Variants in BRINP3 observed in about 807,000 individuals in gnomAD.
The protein encoded by BRINP3 is BMP/retinoic acid-inducible neural-specific protein 3.
In BRINP3, 19 loss-of-function variants were observed where a neutral mutation model predicts 71.0. The ratio of observed to expected loss-of-function variants is 0.27; its 90% CI spans 0.19 to 0.39. The LOEUF (loss-of-function observed/expected upper bound fraction) is 0.39. Among genes scored for constraint, BRINP3 ranks in the 10% least tolerant of loss-of-function variants. The pLI is 1.00. For missense variants in BRINP3, 959 were observed against 940.8 expected (o/e 1.02, Z -0.25); for synonymous variants, 380 against 337.7 (o/e 1.13, Z -1.37).
chr1:190,377,709 TC>T (rs1169431193), intron 2 of BRINP3, among the ~76,000 whole-genome samples: 1 of 151,104 alleles, frequency 6.6e-6, no homozygotes, highest in East Asian at 1.9e-4. Context: ...AAATCAACCC[TC>T]ACAACAATTG....
At chr1:190,248,602 T>A (rs917953678) in intron 4 of BRINP3, among the ~76,000 whole-genome samples, 1 of 151,754 alleles carries the variant, frequency 6.6e-6, no homozygotes, top group African/African-American at 2.4e-5. Flanking sequence ...TATGTTTATT[T>A]TTTTTCTGAT....
At chr1:190,315,225 A>G (rs1665802230) in intron 2 of BRINP3, among the ~76,000 whole-genome samples, 1 of 152,138 alleles carries the variant, frequency 6.6e-6, no homozygotes, top group Non-Finnish European at 1.5e-5. Context: ...GGAGGACTGA[A>G]TTTAAGATTA....
intron 4 of BRINP3, among the ~76,000 whole-genome samples, chr1:190,261,078 A>C (rs756783210): frequency 1.3e-4 from 20 of 152,196 alleles, no homozygotes; most frequent in Middle Eastern, 6.9e-3. Context: ...CTAAAAATTA[A>C]AATAACAAGA....
At chr1:190,464,327 C>T (rs1571383580) in intron 1 of BRINP3, among the ~76,000 whole-genome samples, 1 of 151,956 alleles carries the variant, frequency 6.6e-6, no homozygotes, top group East Asian at 1.9e-4. Context: ...GTATTAATAA[C>T]TACCTTAAAT....
At chr1:190,438,697 G>C (rs998166005) in intron 2 of BRINP3, among the ~76,000 whole-genome samples, 3 of 151,782 alleles carry the variant, frequency 2.0e-5, no homozygotes, top group Non-Finnish European at 4.4e-5. Flanking sequence ...GTTAGTTTGA[G>C]ATATGTGCTG....
intron 2 of BRINP3, among the ~76,000 whole-genome samples, chr1:190,348,895 C>T (rs141443401): frequency 3.8e-3 from 572 of 152,170 alleles, no homozygotes; most frequent in Non-Finnish European, 6.7e-3. Context: ...AAACAGGCAC[C>T]TATTTTATAA....
At chr1:190,150,010 C>T (rs1656245022) in intron 7 of BRINP3, among the ~76,000 whole-genome samples, 1 of 152,094 alleles carries the variant, frequency 6.6e-6, no homozygotes, top group Non-Finnish European at 1.5e-5. Context: ...TATTCACTCA[C>T]TTTATAACTT....
intron 2 of BRINP3, among the ~76,000 whole-genome samples, chr1:190,284,555 T>G (rs1663277342): frequency 6.6e-6 from 1 of 152,062 alleles, no homozygotes; most frequent in East Asian, 1.9e-4. Flanking sequence ...TTCTTTGATA[T>G]GAATGGATCT....
At chr1:190,476,657 G>A (rs1490397957) in intron 1 of BRINP3, among the ~76,000 whole-genome samples, 1 of 152,138 alleles carries the variant, frequency 6.6e-6, no homozygotes, top group African/African-American at 2.4e-5. Flanking sequence ...TTCATGTAAA[G>A]TCTATTCTTG....
At chr1:190,277,946 T>C (rs1187067867) in intron 3 of BRINP3, among the ~76,000 whole-genome samples, 3 of 151,684 alleles carry the variant, frequency 2.0e-5, no homozygotes, top group African/African-American at 7.2e-5. Flanking sequence ...GGGAAAATAA[T>C]ATATATTGAA....
chr1:190,428,276 GT>G (rs964828541), intron 2 of BRINP3, among the ~76,000 whole-genome samples: 13 of 152,036 alleles, frequency 8.6e-5, no homozygotes, highest in South Asian at 6.2e-4. Context: ...AAGCCATTAA[GT>G]TTGTAGTAAT....
At chr1:190,419,230 TC>T (rs1314858444) in intron 2 of BRINP3, among the ~76,000 whole-genome samples, 1 of 152,014 alleles carries the variant, frequency 6.6e-6, no homozygotes, top group African/African-American at 2.4e-5. Context: ...GAAAAATTAA[TC>T]TAAAAACTGA....
chr1:190,225,726 C>T (rs1457173940), intron 6 of BRINP3, among the ~76,000 whole-genome samples: 5 of 151,948 alleles, frequency 3.3e-5, no homozygotes, highest in African/African-American at 9.7e-5. Context: ...AGAACAAATG[C>T]TGTCTTCATT....
intron 7 of BRINP3, among the ~76,000 whole-genome samples, chr1:190,116,037 TA>T (rs1653107733): frequency 6.6e-6 from 1 of 152,098 alleles, no homozygotes; most frequent in Admixed American, 6.6e-5. Flanking sequence ...TCACTTACGA[TA>T]GACACATTCA....
intron 2 of BRINP3, among the ~76,000 whole-genome samples, chr1:190,292,177 G>A (rs952872626): frequency 2.0e-5 from 3 of 152,042 alleles, no homozygotes; most frequent in Admixed American, 6.6e-5. Context: ...GGAAAATGCT[G>A]GCCAAATGAT....
chr1:190,402,979 G>A (rs957448073), intron 2 of BRINP3, among the ~76,000 whole-genome samples: 4 of 152,140 alleles, frequency 2.6e-5, no homozygotes, highest in South Asian at 2.1e-4. Flanking sequence ...TGCCCACCTC[G>A]GCCTCCCAAC....
intron 2 of BRINP3, among the ~76,000 whole-genome samples, chr1:190,331,371 T>G (rs889638006): frequency 6.6e-6 from 1 of 152,012 alleles, no homozygotes; most frequent in Non-Finnish European, 1.5e-5. Context: ...CTATGAAAAC[T>G]TACTGTCGTC....
chr1:190,124,610 C>A (rs1653943115), intron 7 of BRINP3, among the ~76,000 whole-genome samples: 1 of 151,998 alleles, frequency 6.6e-6, no homozygotes, highest in Admixed American at 6.6e-5. Flanking sequence ...CAGTTTATAA[C>A]TATTTTAGGA....
intron 4 of BRINP3, among the ~76,000 whole-genome samples, chr1:190,253,598 C>T (rs998405444): frequency 1.3e-5 from 2 of 152,078 alleles, no homozygotes; most frequent in African/African-American, 2.4e-5. Context: ...TGTTCATATC[C>T]TTGGCCGAGT....
Sources: allele counts gnomAD v4.1 joint callset (sites outside exome capture counted in the v4.1 genomes callset), GRCh38; gene constraint gnomAD v4.1.1; transcripts MANE v1.5; gene names NCBI Gene and HGNC (gene_info 2026-07-23, HGNC 2026-07-21).